The following AKAP19 variants were observed in gnomAD, a reference collection of about 807,000 sequenced individuals.
AKAP19 encodes the protein small A-kinase anchoring protein.
the AKAP19 span, chr2:190,057,730 T>A: frequency 7.2e-7 from 1 of 1,395,234 alleles, no homozygotes; most frequent in South Asian, 1.2e-5. Flanking sequence ...AGTAATAAAC[T>A]AATAATTTTG....
chr2:190,096,079 A>G, the AKAP19 span, among the ~76,000 whole-genome samples: 3 of 152,284 alleles, frequency 2.0e-5, no homozygotes, highest in African/African-American at 4.8e-5. Context: ...CTCAGGAGTC[A>G]AAGAAGCTGA....
At chr2:189,968,156 G>A in the AKAP19 span, among the ~76,000 whole-genome samples, 1 of 151,284 alleles carries the variant, frequency 6.6e-6, no homozygotes, top group Admixed American at 6.6e-5. Context: ...TAGAAGAAGT[G>A]GGACAAATAT....
the AKAP19 span, among the ~76,000 whole-genome samples, chr2:190,088,700 ATATT>A: frequency 8.5e-5 from 13 of 152,336 alleles, no homozygotes; most frequent in Non-Finnish European, 1.6e-4. Context: ...GATCAAGTGA[ATATT>A]TTAAAATCAG....
the AKAP19 span, chr2:190,180,873 A>G: frequency 1.0e-6 from 1 of 985,146 alleles, no homozygotes; most frequent in Non-Finnish European, 1.2e-6. This position sits in a 1 kb window ranked among gnomAD's most constrained non-coding sequence, Gnocchi z 6.8. Context: ...ACATGCTGCC[A>G]CTTGGCTGAG....
the AKAP19 span, among the ~76,000 whole-genome samples, chr2:190,139,940 G>A: frequency 1.3e-5 from 2 of 152,064 alleles, no homozygotes; most frequent in African/African-American, 4.8e-5. Flanking sequence ...TTCCATCTAT[G>A]AGCCTGTAAA....
chr2:190,087,334 TG>T, the AKAP19 span, among the ~76,000 whole-genome samples: 2 of 152,154 alleles, frequency 1.3e-5, no homozygotes, highest in African/African-American at 4.8e-5. Context: ...AAGAATCCTA[TG>T]TTCTTAAGCC....
the AKAP19 span, among the ~76,000 whole-genome samples, chr2:189,970,064 C>T: frequency 1.3e-5 from 2 of 151,856 alleles, no homozygotes; most frequent in Non-Finnish European, 2.9e-5. Context: ...GATGGGGTTT[C>T]ACCATGTTCC....
the AKAP19 span, chr2:190,057,505 C>A: frequency 6.2e-7 from 1 of 1,613,488 alleles, no homozygotes; most frequent in Non-Finnish European, 8.5e-7. Context: ...CCAATCCCAT[C>A]CAAAAGCTTC....
chr2:190,134,891 TC>T, the AKAP19 span, among the ~76,000 whole-genome samples: 1 of 152,054 alleles, frequency 6.6e-6, no homozygotes, highest in Admixed American at 6.6e-5. Flanking sequence ...TAAATATTTT[TC>T]TTTATTTGGA....
the AKAP19 span, among the ~76,000 whole-genome samples, chr2:190,124,908 C>T: frequency 2.6e-5 from 4 of 151,558 alleles, no homozygotes; most frequent in East Asian, 1.9e-4. Context: ...TTGTTAAAAT[C>T]GAAGACAAAA....
the AKAP19 span, among the ~76,000 whole-genome samples, chr2:190,127,370 C>T: frequency 1.3e-3 from 198 of 151,578 alleles, 2 homozygotes; most frequent in African/African-American, 4.5e-3. Context: ...CTCCTCCAAC[C>T]GCACATCCCC....
At chr2:189,959,791 A>G in the AKAP19 span, among the ~76,000 whole-genome samples, 1 of 152,220 alleles carries the variant, frequency 6.6e-6, no homozygotes, top group Non-Finnish European at 1.5e-5. Context: ...GTAACTCAAC[A>G]AAATATTTCA....
the AKAP19 span, among the ~76,000 whole-genome samples, chr2:189,906,770 A>G: frequency 4.6e-5 from 7 of 152,142 alleles, no homozygotes; most frequent in Non-Finnish European, 7.4e-5. Flanking sequence ...TAAAGTTTCT[A>G]TGTATCATGC....
At chr2:189,911,437 G>C in the AKAP19 span, among the ~76,000 whole-genome samples, 1 of 152,052 alleles carries the variant, frequency 6.6e-6, no homozygotes, top group African/African-American at 2.4e-5. Flanking sequence ...AGCCACAGCT[G>C]TAATTTATTA....
At chr2:189,959,653 T>A in the AKAP19 span, among the ~76,000 whole-genome samples, 2 of 152,218 alleles carry the variant, frequency 1.3e-5, no homozygotes, top group Non-Finnish European at 2.9e-5. Flanking sequence ...CAACTGTTTG[T>A]CAGTGGACTT....
the AKAP19 span, among the ~76,000 whole-genome samples, chr2:190,198,789 A>C: frequency 1.3e-5 from 2 of 152,166 alleles, no homozygotes; most frequent in Admixed American, 6.5e-5. Context: ...CTTTAAAATG[A>C]AGCTGTCTTG....
the AKAP19 span, among the ~76,000 whole-genome samples, chr2:190,184,831 ATTAG>A: frequency 1.3e-5 from 2 of 151,790 alleles, no homozygotes; most frequent in South Asian, 4.1e-4. Context: ...ATTTCCTTGT[ATTAG>A]TGAGAAATTA....
chr2:190,095,086 A>G, the AKAP19 span, among the ~76,000 whole-genome samples: 23 of 152,172 alleles, frequency 1.5e-4, no homozygotes, highest in Middle Eastern at 0.01. Context: ...AGCCGGGTGT[A>G]GTGGCCCATG....
At chr2:190,038,252 A>G in the AKAP19 span, among the ~76,000 whole-genome samples, 1 of 152,044 alleles carries the variant, frequency 6.6e-6, no homozygotes. Flanking sequence ...TAGTTATGAG[A>G]TCCCTGTACC....
Sources: allele counts gnomAD v4.1 joint callset (sites outside exome capture counted in the v4.1 genomes callset), GRCh38; gene constraint gnomAD v4.1.1; non-coding constraint Gnocchi (gnomAD v3.1); transcripts MANE v1.5; gene names NCBI Gene and HGNC (gene_info 2026-07-23, HGNC 2026-07-21).